The following MCTP1 variants were observed in gnomAD, a reference collection of about 807,000 sequenced individuals.
The protein encoded by MCTP1 is multiple C2 and transmembrane domain-containing protein 1.
In MCTP1, 69 loss-of-function variants were observed where a neutral mutation model predicts 120.6. The observed-to-expected ratio is 0.57, with a 90% CI of 0.47 to 0.70. MCTP1 has a LOEUF of 0.70. Ranked by LOEUF, MCTP1 falls within the 30% of genes least tolerant of loss-of-function variation. The pLI is 0.00. For missense variants in MCTP1, 1,203 were observed against 1,248.8 expected, an observed-to-expected ratio of 0.96 and a Z score of 0.55; for synonymous variants, 529 against 493.1, an observed-to-expected ratio of 1.07 and a Z score of -0.96.
chr5:95,132,159 C>T (rs1426097), intron 1 of MCTP1, among the ~76,000 whole-genome samples: 2,896 of 152,278 alleles, frequency 0.019, 98 homozygotes, highest in African/African-American at 0.065. Context: ...GAATTAACAA[C>T]AGCAAAAAAT....
Position 95,170,796 on chromosome 5 carries a change from A to G in MCTP1, c.720+113060T>C, listed in dbSNP as rs546318197. Among the ~76,000 whole-genome samples, 4 of 152,270 alleles carry G rather than the reference A, an allele frequency of 2.6e-5. No homozygotes were observed. In the East Asian group the frequency reaches 5.8e-4, roughly 22 times the overall value. ...TCTTCCATTCCTTTATTTTGAGCCT[A>G]TATGTGTCTCTGCACATGAGATGGG... On this transcript the variant is annotated intron_variant, in intron 1 of 22. Coordinates refer to ENST00000515393, the MANE Select transcript of MCTP1 (RefSeq NM_024717.7).
At chr5:95,003,303 C>A (rs188405223) in intron 2 of MCTP1, among the ~76,000 whole-genome samples, 1 of 152,230 alleles carries the variant, frequency 6.6e-6, no homozygotes, top group African/African-American at 2.4e-5. Context: ...TTTAGATATA[C>A]AAATACTTGC....
chr5:95,082,509 A>C (rs1332514393), intron 1 of MCTP1, among the ~76,000 whole-genome samples: 1 of 152,204 alleles, frequency 6.6e-6, no homozygotes, highest in Non-Finnish European at 1.5e-5. Context: ...TGTTAATAAC[A>C]GTAAGTAGGC....
chr5:94,783,303 AAATAT>A (rs1305227222), intron 18 of MCTP1, among the ~76,000 whole-genome samples: 1 of 152,126 alleles, frequency 6.6e-6, no homozygotes, highest in Non-Finnish European at 1.5e-5. Context: ...CATTAACATA[AAATAT>A]AATATGTGGC....
chr5:95,102,380 C>T (rs1185217835), intron 1 of MCTP1, among the ~76,000 whole-genome samples: 4 of 152,166 alleles, frequency 2.6e-5, no homozygotes, highest in East Asian at 1.9e-4. Flanking sequence ...CAGCTCACTC[C>T]AGACACAGTG....
intron 1 of MCTP1, among the ~76,000 whole-genome samples, chr5:95,197,722 T>C (rs554314831): frequency 6.6e-6 from 1 of 152,248 alleles, no homozygotes; most frequent in East Asian, 1.9e-4. Flanking sequence ...CTCTCTATAT[T>C]ATATTTATGT....
intron 3 of MCTP1, among the ~76,000 whole-genome samples, chr5:94,951,998 G>A (rs986329895): frequency 6.6e-6 from 1 of 151,608 alleles, no homozygotes; most frequent in Non-Finnish European, 1.5e-5. Flanking sequence ...ATGGTGAAAT[G>A]CCATCTCTAC....
chr5:94,806,623 T>C (rs999863848), intron 17 of MCTP1, among the ~76,000 whole-genome samples: 1 of 152,176 alleles, frequency 6.6e-6, no homozygotes, highest in African/African-American at 2.4e-5. Flanking sequence ...ACAGTATCCC[T>C]GGGGGAGCCC....
At chr5:94,897,395 C>T (rs897666573) in intron 10 of MCTP1, among the ~76,000 whole-genome samples, 5 of 149,118 alleles carry the variant, frequency 3.4e-5, no homozygotes, top group African/African-American at 1.2e-4. Context: ...CTCATACTAT[C>T]GCCCAGGCTG....
chr5:94,722,247 C>T (rs572688355), intron 19 of MCTP1, among the ~76,000 whole-genome samples: 140 of 152,228 alleles, frequency 9.2e-4, no homozygotes, highest in Non-Finnish European at 1.5e-3. Context: ...ACAGATTCTC[C>T]CCTTCACTGA....
chr5:95,272,904 A>G (rs760912791), intron 1 of MCTP1, among the ~76,000 whole-genome samples: 4 of 152,254 alleles, frequency 2.6e-5, no homozygotes, highest in Non-Finnish European at 4.4e-5. Flanking sequence ...ACTGGTGTGT[A>G]TACAAGGTCA....
At chr5:94,858,582 C>G (rs964843676) in intron 17 of MCTP1, among the ~76,000 whole-genome samples, 12 of 151,620 alleles carry the variant, frequency 7.9e-5, no homozygotes, top group African/African-American at 2.9e-4. Context: ...TAATTAAGGA[C>G]AATTTAACTT....
rs887044442 is a variant in MCTP1 at position 95,073,344 on chromosome 5, C to T, written c.721-55860G>A. On this transcript the variant is annotated intron_variant, in intron 1 of 22. Transcript: ENST00000515393. ...CTCATGGCTCAACTTCTCTTTGCTG[C>T]TGAGGCTTGGCTAGGATCCTTTGGC... 3.3e-5 allele frequency among the ~76,000 whole-genome samples: 5 copies of T among 152,150 alleles called. No individual in the cohort carries two copies. In the East Asian group the frequency reaches 5.8e-4, roughly 18 times the overall value.
chr5:95,109,633 T>C (rs1757319083), intron 1 of MCTP1, among the ~76,000 whole-genome samples: 1 of 152,190 alleles, frequency 6.6e-6, no homozygotes. Flanking sequence ...GATGAGGACT[T>C]GCTTGGTGTT....
intron 17 of MCTP1, chr5:94,867,064 A>C (rs890525179): frequency 3.0e-5 from 12 of 400,082 alleles, no homozygotes; most frequent in African/African-American, 2.5e-4. Context: ...AGTCTAAAAT[A>C]GACATAGAAG....
intron 2 of MCTP1, among the ~76,000 whole-genome samples, chr5:94,992,664 G>A (rs1054663834): frequency 2.6e-5 from 4 of 152,198 alleles, no homozygotes; most frequent in East Asian, 3.8e-4. Context: ...GATGGCAAAT[G>A]GGAATTGCTA....
At chr5:94,998,528 C>T (rs2153631053) in intron 2 of MCTP1, among the ~76,000 whole-genome samples, 1 of 152,302 alleles carries the variant, frequency 6.6e-6, no homozygotes, top group South Asian at 2.1e-4. Context: ...GCTCTTCACA[C>T]TTTATTCTGA....
At chr5:94,737,129 A>T (rs1333644879) in intron 19 of MCTP1, among the ~76,000 whole-genome samples, 7 of 152,128 alleles carry the variant, frequency 4.6e-5, no homozygotes, top group Non-Finnish European at 8.8e-5. Context: ...CCTGGGACCA[A>T]GGCATGTACC....
intron 17 of MCTP1, among the ~76,000 whole-genome samples, chr5:94,844,446 C>T (rs1791868669): frequency 1.3e-5 from 2 of 151,832 alleles, no homozygotes; most frequent in Admixed American, 6.6e-5. Context: ...AGGAAATTTA[C>T]ATTTTTTTCA....
Sources: gnomAD v4.1 joint callset for allele counts (sites outside exome capture counted in the v4.1 genomes callset) on GRCh38, gnomAD v4.1.1 for gene constraint, MANE v1.5 for transcripts, NCBI Gene and HGNC (gene_info 2026-07-23, HGNC 2026-07-21) for gene names.